Variants in ELOVL2 observed in about 807,000 individuals in gnomAD.
The protein encoded by ELOVL2 is very long chain fatty acid elongase 2.
ELOVL2 carries 38 observed loss-of-function variants against 37.7 expected under a neutral mutation model. That is an observed-to-expected ratio of 1.01 (90% CI 0.78 to 1.32). ELOVL2 has a LOEUF of 1.32. ELOVL2 is among the 40% of genes most tolerant of loss of function. The pLI is 0.00. For missense variants in ELOVL2, 352 were observed against 363.6 expected, an observed-to-expected ratio of 0.97 and a Z score of 0.26; for synonymous variants, 115 against 122.3, an observed-to-expected ratio of 0.94 and a Z score of 0.40.
At chr6:10,992,335 G>T (rs908096083) in intron 5 of ELOVL2, among the ~76,000 whole-genome samples, 1 of 152,166 alleles carries the variant, frequency 6.6e-6, no homozygotes, top group Non-Finnish European at 1.5e-5. Flanking sequence ...AGTTTTACAT[G>T]TTCTGATTTT....
rs556488630 is a variant in ELOVL2, at chr6:11,032,061, T to A, written c.3+12167A>T. Among the ~76,000 whole-genome samples the A allele has an allele frequency of 1.1e-3, 174 of 152,282 alleles. No homozygotes were observed. The Middle Eastern group carries it at 0.017, about 15-fold the overall frequency. On this transcript the variant is annotated intron_variant, in intron 1 of 7. Coordinates refer to ENST00000354666, the MANE Select transcript of ELOVL2 (RefSeq NM_017770.4). Reference sequence around the variant, plus strand: ...CACAGATGTTTTCCTCTTGTACATATCAATGAACTAAAAGTCAAAGACTTG... The same window carrying A: ...CACAGATGTTTTCCTCTTGTACATAACAATGAACTAAAAGTCAAAGACTTG...
intron 7 of ELOVL2, among the ~76,000 whole-genome samples, chr6:10,987,236 T>C (rs1782068461): frequency 6.6e-6 from 1 of 152,208 alleles, no homozygotes; most frequent in South Asian, 2.1e-4. Context: ...GATTCTTCTC[T>C]CTTTTCTTCT....
At chr6:11,009,450 G>A (rs1454430575) in intron 2 of ELOVL2, among the ~76,000 whole-genome samples, 2 of 152,100 alleles carry the variant, frequency 1.3e-5, no homozygotes, top group East Asian at 1.9e-4. Context: ...GGTTGACCAC[G>A]GGTAACTGGA....
At chr6:11,005,637 A>C in intron 2 of ELOVL2, 78 bp from the exon 3 acceptor site, 1 of 1,227,106 alleles carries the variant, frequency 8.1e-7, no homozygotes, top group Non-Finnish European at 1.2e-6. Context: ...CATACATTGC[A>C]TTTGTACACA....
intron 7 of ELOVL2, among the ~76,000 whole-genome samples, chr6:10,985,063 G>A (rs890582644): frequency 1.3e-5 from 2 of 152,162 alleles, no homozygotes; most frequent in Non-Finnish European, 2.9e-5. Context: ...ATTCTAACTG[G>A]TGTGAGATGT....
chr6:10,990,667 G>GCCCCCCCCCCCCCCCCCC (rs372558428), intron 5 of ELOVL2, among the ~76,000 whole-genome samples: 1 of 143,008 alleles, frequency 7.0e-6, no homozygotes, highest in African/African-American at 2.6e-5. Context: ...TTTTCAGAAT[G>GCCCCCCCCCCCCCCCCCC]CCCCCCCCCC....
intron 7 of ELOVL2, among the ~76,000 whole-genome samples, chr6:10,985,331 C>T (rs1042277583): frequency 2.0e-5 from 3 of 151,712 alleles, no homozygotes; most frequent in Admixed American, 6.6e-5. Context: ...CTCTGATGGT[C>T]GTTTCTTTTG....
chr6:11,037,171 A>AGAGAGGGAAAG, intron 1 of ELOVL2, among the ~76,000 whole-genome samples: 1 of 146,192 alleles, frequency 6.8e-6, no homozygotes, highest in East Asian at 2.3e-4. Context: ...GGAAAGAGAC[A>AGAGAGGGAAAG]AGAGAGGCAG....
intron 1 of ELOVL2, chr6:11,043,912 G>C (rs1231309156): frequency 1.2e-5 from 3 of 260,868 alleles, no homozygotes; most frequent in Non-Finnish European, 2.2e-5. Flanking sequence ...CATCCCGGGC[G>C]CCCGGCCCCG....
chr6:11,037,766 G>A (rs1357205406), intron 1 of ELOVL2, among the ~76,000 whole-genome samples: 1 of 152,076 alleles, frequency 6.6e-6, no homozygotes, highest in Admixed American at 6.6e-5. Flanking sequence ...AGTACATATG[G>A]ATGTTGTTCA....
intron 5 of ELOVL2, among the ~76,000 whole-genome samples, chr6:10,991,988 A>G (rs1396523575): frequency 6.6e-6 from 1 of 152,228 alleles, no homozygotes; most frequent in Admixed American, 6.5e-5. Context: ...TTACAGGACT[A>G]TGTCTGTACA....
intron 2 of ELOVL2, among the ~76,000 whole-genome samples, chr6:11,008,007 A>C (rs1782508331): frequency 6.6e-6 from 1 of 152,142 alleles, no homozygotes; most frequent in African/African-American, 2.4e-5. Context: ...GGGACTTGAG[A>C]AGTGTTAGCT....
chr6:11,024,922 C>T (rs1782817281), intron 1 of ELOVL2, among the ~76,000 whole-genome samples: 1 of 152,134 alleles, frequency 6.6e-6, no homozygotes, highest in South Asian at 2.1e-4. Flanking sequence ...GAAACTGTTT[C>T]TTTCTGAAAC....
chr6:11,026,755 G>C (rs1393981636), intron 1 of ELOVL2, among the ~76,000 whole-genome samples: 2 of 152,158 alleles, frequency 1.3e-5, no homozygotes, highest in Non-Finnish European at 2.9e-5. Context: ...AGAATAACAG[G>C]ATTTATTGCC....
intron 2 of ELOVL2, among the ~76,000 whole-genome samples, chr6:11,009,515 A>G (rs1782536873): frequency 6.6e-6 from 1 of 152,152 alleles, no homozygotes; most frequent in South Asian, 2.1e-4. Context: ...TAGAGAGGCA[A>G]AGCCCAACTG....
Position 10,981,135 on chromosome 6 carries a change from T to C in ELOVL2, c.*2646A>G, listed in dbSNP as rs1581852945. 2 of 152,244 alleles carry C rather than the reference T, an allele frequency of 1.3e-5. No individual in the cohort carries two copies. Among genetic ancestry groups the C allele is most frequent in the Non-Finnish European group, 2.9e-5 (2 of 68,044 alleles). The allele number at this position is 152,244 out of a possible 1,614,324, so 9.4% of individuals were successfully genotyped here. On this transcript the variant is annotated 3_prime_UTR_variant, in exon 8 of 8. Coordinates refer to ENST00000354666, the MANE Select transcript of ELOVL2 (RefSeq NM_017770.4). ...ATATATAATTTTGATGGCTTGACAA[T>C]TGCTATGTTTAATTCCATTCAGTTA...
chr6:11,011,208 C>CA (rs373364910), intron 1 of ELOVL2, among the ~76,000 whole-genome samples: 58 of 151,422 alleles, frequency 3.8e-4, no homozygotes, highest in African/African-American at 1.1e-3. Context: ...ACTAAAAATA[C>CA]AAAAAAAATT....
At position 11,044,254 on chromosome 6, in the gene ELOVL2, C is replaced by T; in HGVS notation, c.-24G>A. On this transcript the variant is annotated 5_prime_UTR_variant, in exon 1 of 8. Coordinates refer to ENST00000354666, the MANE Select transcript of ELOVL2 (RefSeq NM_017770.4). The surrounding 1 kb of genome is among the most constrained non-coding windows in gnomAD (Gnocchi z 5.6). Reference sequence around the variant, plus strand: ...ATGATCCGCAGCGGCTGTGGCGCGGCGACCCGGGCGGGCGGCGATGCGCTG... The same window carrying T: ...ATGATCCGCAGCGGCTGTGGCGCGGTGACCCGGGCGGGCGGCGATGCGCTG... 1.5e-6 allele frequency: 2 copies of T among 1,334,112 alleles called. No homozygotes were observed. The highest frequency in any genetic ancestry group is 2.1e-5 in the South Asian group (1 of 48,516). The allele number at this position is 1,334,112 out of a possible 1,614,324, so 82.6% of individuals were successfully genotyped here.
Position 10,981,016 on chromosome 6 carries a change from C to G in ELOVL2, c.*2765G>C, listed in dbSNP as rs528108589. On this transcript the variant is annotated 3_prime_UTR_variant, in exon 8 of 8. Transcript: ENST00000354666. ...ATACAAAAGGCTGTTCTGCCCATCA[C>G]AGTAAACACTGTTTTGCCTTAAAAT... The G allele has an allele frequency of 6.6e-6, 1 of 152,326 alleles. No homozygotes were observed. Among genetic ancestry groups the G allele is most frequent in the East Asian group, 1.9e-4 (1 of 5,200 alleles). The allele number at this position is 152,326 out of a possible 1,614,324, so 9.4% of individuals were successfully genotyped here. A position where few individuals can be genotyped will look rare whatever the true frequency, so the allele number is the denominator to read the frequency against.
Sources: gnomAD v4.1 joint callset for allele counts (sites outside exome capture counted in the v4.1 genomes callset) on GRCh38, gnomAD v4.1.1 for gene constraint, Gnocchi (gnomAD v3.1) non-coding constraint, MANE v1.5 for transcripts, NCBI Gene and HGNC (gene_info 2026-07-23, HGNC 2026-07-21) for gene names.